Variants in PCCB observed in about 807,000 individuals in gnomAD.
The protein encoded by PCCB is propionyl-CoA carboxylase subunit beta.
Under a neutral mutation model 60.7 loss-of-function variants are expected in PCCB, and 43 were observed. The ratio of observed to expected loss-of-function variants is 0.71; its 90% CI spans 0.55 to 0.91. The LOEUF (loss-of-function observed/expected upper bound fraction) is 0.91, where lower values mean the gene tolerates loss of function less well. Among genes scored for constraint, PCCB ranks in the 40% least tolerant of loss-of-function variants. PCCB has a pLI of 0.00. For missense variants in PCCB, 766 were observed against 702.8 expected (o/e 1.09, Z -1.02); for synonymous variants, 276 against 255.9 (o/e 1.08, Z -0.75).
chr3:136,322,970 C>CAA (rs1367961139), intron 10 of PCCB, among the ~76,000 whole-genome samples: 1 of 145,290 alleles, frequency 6.9e-6, no homozygotes, highest in Non-Finnish European at 1.5e-5. Flanking sequence ...ACTGGATAAT[C>CAA]TTAATGAGGA....
At position 136,264,440 on chromosome 3, in the gene PCCB, G is replaced by GTGTATATA; in HGVS notation, c.543+2376_543+2377insGTATATAT. Among the ~76,000 whole-genome samples the GTGTATATA allele has an allele frequency of 9.6e-4, 118 of 123,536 alleles. 2 individuals are homozygous for GTGTATATA. The highest frequency in any genetic ancestry group is 1.6e-3 in the South Asian group (6 of 3,792). The allele number at this position is 123,536 out of a possible 152,430, so 81.0% of individuals were successfully genotyped here. On this transcript the variant is annotated intron_variant, in intron 5 of 14. Coordinates refer to ENST00000251654, the MANE Select transcript of PCCB (RefSeq NM_000532.5). ...CTGTCTCTCATATATATGTGTGTGT[G>GTGTATATA]TATATATGTATATATATATATGTTC...
intron 8 of PCCB, 83 bp from the exon 9 acceptor site, chr3:136,300,947 C>T (rs1934249043): frequency 3.1e-6 from 3 of 970,062 alleles, no homozygotes; most frequent in Non-Finnish European, 5.0e-6. Flanking sequence ...GACGTGTCAC[C>T]CCATTTCCTT....
intron 5 of PCCB, among the ~76,000 whole-genome samples, chr3:136,264,456 A>ATATATATATATATG (rs1560000162): frequency 4.1e-5 from 6 of 148,094 alleles, no homozygotes; most frequent in African/African-American, 1.5e-4. Context: ...ATGTATATAT[A>ATATATATATATATG]TATATGTTCC....
At chr3:136,278,832 C>T (rs1212344022) in intron 5 of PCCB, among the ~76,000 whole-genome samples, 2 of 152,162 alleles carry the variant, frequency 1.3e-5, no homozygotes, top group Non-Finnish European at 2.9e-5. Context: ...TTCAAGTGTA[C>T]TGTTAACTTA....
intron 9 of PCCB, among the ~76,000 whole-genome samples, chr3:136,313,794 G>A (rs1039194820): frequency 6.6e-6 from 1 of 152,134 alleles, no homozygotes; most frequent in Admixed American, 6.5e-5. Flanking sequence ...TAGTAGGTCT[G>A]TTTTTTGTAG....
chr3:136,325,795 T>TAA (rs1935285042), intron 10 of PCCB, among the ~76,000 whole-genome samples: 1 of 152,196 alleles, frequency 6.6e-6, no homozygotes, highest in African/African-American at 2.4e-5. Flanking sequence ...ATTCTTGGGA[T>TAA]AAACCCCACT....
At chr3:136,289,200 C>T (rs1933563572) in intron 6 of PCCB, among the ~76,000 whole-genome samples, 1 of 152,078 alleles carries the variant, frequency 6.6e-6, no homozygotes, top group South Asian at 2.1e-4. Flanking sequence ...CTGTTTCTGC[C>T]TGCTGGATCT....
intron 5 of PCCB, among the ~76,000 whole-genome samples, chr3:136,266,471 G>A (rs980041407): frequency 6.6e-6 from 1 of 152,076 alleles, no homozygotes; most frequent in Admixed American, 6.5e-5. Context: ...GTTCAGGCTG[G>A]AGTACAGTGG....
intron 10 of PCCB, among the ~76,000 whole-genome samples, chr3:136,318,590 C>T (rs2108228585): frequency 6.6e-6 from 1 of 152,314 alleles, no homozygotes; most frequent in South Asian, 2.1e-4. Flanking sequence ...TATTCTAAAT[C>T]TACTTTCTCT....
chr3:136,276,596 G>A (rs1350618752), intron 5 of PCCB, among the ~76,000 whole-genome samples: 2 of 152,184 alleles, frequency 1.3e-5, no homozygotes, highest in African/African-American at 2.4e-5. Flanking sequence ...TGGGGGTTGG[G>A]GGATTCCTCC....
rs187963722 is a variant in PCCB, at chr3:136,325,272, C to G, written c.1091-1531C>G. On this transcript the variant is annotated intron_variant, in intron 10 of 14. Coordinates refer to ENST00000251654, the MANE Select transcript of PCCB (RefSeq NM_000532.5). Reference sequence around the variant, plus strand: ...ACTCCTGGGCTTAAGCAGTCCTCCACTTTGGCCTCCTGAGTAGCTGGGACT... The same window carrying G: ...ACTCCTGGGCTTAAGCAGTCCTCCAGTTTGGCCTCCTGAGTAGCTGGGACT... Among the ~76,000 whole-genome samples the G allele has an allele frequency of 1.8e-3, 269 of 152,280 alleles. 2 individuals carry two copies. The highest frequency in any genetic ancestry group is 6.2e-3 in the African/African-American group (258 of 41,566).
At chr3:136,327,843 C>A in intron 13 of PCCB, 111 bp downstream of exon 13, 2 of 862,598 alleles carry the variant, frequency 2.3e-6, no homozygotes, top group Non-Finnish European at 3.9e-6. Flanking sequence ...CTAGGTTGAG[C>A]CAGGACTGAG....
rs942421439 is a variant in PCCB at position 136,255,784 on chromosome 3, C to T, written c.184-72C>T. The T allele has an allele frequency of 1.4e-5, 20 of 1,388,774 alleles. No individual in the cohort carries two copies. The African/African-American group carries it at 2.8e-4, about 20-fold the overall frequency. The allele number at this position is 1,388,774 out of a possible 1,614,324, so 86.0% of individuals were successfully genotyped here. ...GGCAAATCTGCCCTTCAAGCCCTCC[C>T]ATGAACAGCCCTTGCTTTGCTTACT... is the stretch of plus-strand genomic sequence containing the variant. On this transcript the variant is annotated intron_variant, in intron 1 of 14. Transcript: ENST00000251654.
At chr3:136,252,290 C>G (rs1941537999) in intron 1 of PCCB, 1 of 455,070 alleles carries the variant, frequency 2.2e-6, no homozygotes, top group African/African-American at 2.0e-5. Flanking sequence ...ACAGAGTTCA[C>G]TCTGTTGCCC....
At chr3:136,256,480 T>C in intron 2 of PCCB, 75 bp from the exon 3 acceptor site, 1 of 1,062,336 alleles carries the variant, frequency 9.4e-7, no homozygotes, top group Non-Finnish European at 1.5e-6. Flanking sequence ...TTGTCTTTCA[T>C]TGAGGCATAG....
chr3:136,313,801 G>A (rs1934766131), intron 9 of PCCB, among the ~76,000 whole-genome samples: 1 of 152,038 alleles, frequency 6.6e-6, no homozygotes, highest in South Asian at 2.1e-4. Context: ...TCTGTTTTTT[G>A]TAGCTAAGTT....
intron 9 of PCCB, among the ~76,000 whole-genome samples, chr3:136,313,504 G>A (rs1261296350): frequency 6.6e-6 from 1 of 152,134 alleles, no homozygotes; most frequent in Admixed American, 6.6e-5. Context: ...TTCCATGTAA[G>A]AAGGGTAAAT....
chr3:136,283,694 T>A, intron 5 of PCCB, 143 bp from the exon 6 acceptor site: 1 of 644,518 alleles, frequency 1.6e-6, no homozygotes, highest in Non-Finnish European at 2.8e-6. Flanking sequence ...CTTAAAGAAC[T>A]TCACTGATTA....
intron 5 of PCCB, among the ~76,000 whole-genome samples, chr3:136,276,306 C>T (rs907760439): frequency 2.6e-5 from 4 of 152,140 alleles, no homozygotes; most frequent in Non-Finnish European, 4.4e-5. Context: ...ATGCAATACT[C>T]AGTAAGGCAG....
Sources: gnomAD v4.1 joint callset for allele counts (sites outside exome capture counted in the v4.1 genomes callset) on GRCh38, gnomAD v4.1.1 for gene constraint, MANE v1.5 for transcripts, NCBI Gene and HGNC (gene_info 2026-07-23, HGNC 2026-07-21) for gene names.